The following OLFM3 variants were observed in gnomAD, a reference collection of about 807,000 sequenced individuals.
OLFM3 encodes the protein olfactomedin 3, also known as noelin-3.
In OLFM3, 20 loss-of-function variants were observed where a neutral mutation model predicts 48.6. That is an observed-to-expected ratio of 0.41 (90% CI 0.29 to 0.60). The LOEUF (loss-of-function observed/expected upper bound fraction) is 0.60. Among genes scored for constraint, OLFM3 ranks in the 20% least tolerant of loss-of-function variants. OLFM3 has a pLI of 0.28. For missense variants in OLFM3, 437 were observed against 544.3 expected (o/e 0.80, Z 1.96); for synonymous variants, 222 against 198.1 (o/e 1.12, Z -1.01).
intron 1 of OLFM3, among the ~76,000 whole-genome samples, chr1:101,952,252 T>C (rs1570660856): frequency 6.6e-6 from 1 of 152,280 alleles, no homozygotes; most frequent in East Asian, 1.9e-4. Flanking sequence ...TGTTTACATA[T>C]AGGTTTTCTT....
At chr1:101,969,624 C>A (rs1054890522) in intron 1 of OLFM3, among the ~76,000 whole-genome samples, 1 of 152,178 alleles carries the variant, frequency 6.6e-6, no homozygotes, top group Non-Finnish European at 1.5e-5. Flanking sequence ...CCAACTCCAA[C>A]ACATTAGGTG....
At chr1:101,987,294 T>G (rs1210325944) in intron 1 of OLFM3, among the ~76,000 whole-genome samples, 1 of 152,206 alleles carries the variant, frequency 6.6e-6, no homozygotes, top group African/African-American at 2.4e-5. Context: ...TTTTTACATT[T>G]CCTTCTGCAT....
intron 1 of OLFM3, among the ~76,000 whole-genome samples, chr1:101,959,599 A>G (rs1323772733): frequency 2.0e-5 from 3 of 152,162 alleles, no homozygotes; most frequent in Non-Finnish European, 2.9e-5. Context: ...AGATCTTTAA[A>G]TTTGAATTTA....
rs1653920436 is a variant in OLFM3, at chr1:101,809,043, A to G, written c.593-2861T>C. ...AGAGTTATCTCCAAAATAAAGCAAA[A>G]GAGATAAAAATGAAAATAAGAGAAA... On this transcript the variant is annotated intron_variant, in intron 4 of 5. Coordinates refer to ENST00000370103, the MANE Select transcript of OLFM3 (RefSeq NM_058170.4). Among the ~76,000 whole-genome samples, 3 of 151,722 alleles carry G rather than the reference A, an allele frequency of 2.0e-5. No homozygotes were observed. In the South Asian group the frequency reaches 6.2e-4, roughly 31 times the overall value.
chr1:101,850,969 C>T (rs1656200641), intron 1 of OLFM3, among the ~76,000 whole-genome samples: 2 of 151,836 alleles, frequency 1.3e-5, no homozygotes, highest in South Asian at 2.1e-4. Flanking sequence ...GGTAGAACAT[C>T]GAAAAATGAA....
At chr1:101,928,132 A>G (rs1659330986) in intron 1 of OLFM3, among the ~76,000 whole-genome samples, 1 of 152,124 alleles carries the variant, frequency 6.6e-6, no homozygotes, top group Non-Finnish European at 1.5e-5. Context: ...GCCGCAACTA[A>G]TTTACAAGCT....
chr1:101,807,479 A>C (rs1653830143), intron 4 of OLFM3, among the ~76,000 whole-genome samples: 1 of 151,810 alleles, frequency 6.6e-6, no homozygotes, highest in Non-Finnish European at 1.5e-5. Context: ...TTTTGGAAAG[A>C]AAAGAACACA....
intron 1 of OLFM3, chr1:101,859,830 G>A (rs918692683): frequency 1.5e-4 from 22 of 151,484 alleles, no homozygotes; most frequent in Non-Finnish European, 2.5e-4. Flanking sequence ...TGTAGATTTT[G>A]ATTCAGAAGT....
At chr1:101,977,407 G>T (rs1332309704) in intron 1 of OLFM3, among the ~76,000 whole-genome samples, 1 of 151,982 alleles carries the variant, frequency 6.6e-6, no homozygotes, top group Non-Finnish European at 1.5e-5. Flanking sequence ...ATACCAAATG[G>T]CTCATGAGTA....
rs370910075 is a variant in OLFM3 at position 101,920,212 on chromosome 1, TC to T, written c.69+76535del. On this transcript the variant is annotated intron_variant, in intron 1 of 5. Coordinates refer to ENST00000370103, the MANE Select transcript of OLFM3 (RefSeq NM_058170.4). The stretch of plus-strand genomic sequence containing the variant: ...CAGAGTGATTCTTTAAAAATCTAAG[TC>T]AAATAATTTACCTGTGCACAACCTT... 2.9e-3 allele frequency among the ~76,000 whole-genome samples: 440 copies of T among 152,246 alleles called. 3 individuals carry two copies. Among genetic ancestry groups the T allele is most frequent in the African/African-American group, 0.01 (419 of 41,558 alleles).
intron 1 of OLFM3, among the ~76,000 whole-genome samples, chr1:101,840,169 A>T (rs1236029341): frequency 6.6e-6 from 1 of 152,246 alleles, no homozygotes; most frequent in East Asian, 1.9e-4. Context: ...GACTTGCTCC[A>T]ATTTTAACAT....
At chr1:101,835,880 G>A (rs1352264313) in intron 2 of OLFM3, among the ~76,000 whole-genome samples, 1 of 152,112 alleles carries the variant, frequency 6.6e-6, no homozygotes. Flanking sequence ...ATATACAGAG[G>A]AAACTTATTT....
intron 1 of OLFM3, among the ~76,000 whole-genome samples, chr1:101,956,707 A>G (rs1330717505): frequency 6.6e-6 from 1 of 151,918 alleles, no homozygotes; most frequent in African/African-American, 2.4e-5. Flanking sequence ...GATATTTTGA[A>G]TAGCACTTAG....
intron 1 of OLFM3, among the ~76,000 whole-genome samples, chr1:101,856,274 A>G (rs1292837456): frequency 6.6e-6 from 1 of 151,972 alleles, no homozygotes. Flanking sequence ...GCATCCTAAG[A>G]GTTATACAGT....
At chr1:101,978,032 A>G (rs1661003352) in intron 1 of OLFM3, among the ~76,000 whole-genome samples, 1 of 152,148 alleles carries the variant, frequency 6.6e-6, no homozygotes, top group African/African-American at 2.4e-5. Context: ...AACATATAGC[A>G]TGAGCAATAT....
At chr1:101,940,192 T>C (rs1239057244) in intron 1 of OLFM3, among the ~76,000 whole-genome samples, 1 of 152,068 alleles carries the variant, frequency 6.6e-6, no homozygotes, top group Non-Finnish European at 1.5e-5. Context: ...GCCAGTAATA[T>C]AGAACAGTGA....
Position 101,952,268 on chromosome 1 carries a change from G to A in OLFM3, c.69+44480C>T, listed in dbSNP as rs185368459. 2.6e-3 allele frequency among the ~76,000 whole-genome samples: 403 copies of A among 152,230 alleles called. 3 individuals carry two copies. The highest frequency in any genetic ancestry group is 9.3e-3 in the African/African-American group (387 of 41,558). On this transcript the variant is annotated intron_variant, in intron 1 of 5. Transcript: ENST00000370103. ...GTTTACATATAGGTTTTCTTGGCTAGTTTATAGAATCCTTGAGTTATTTAA... is the reference window on the plus strand; with the variant it reads ...GTTTACATATAGGTTTTCTTGGCTAATTTATAGAATCCTTGAGTTATTTAA...
At chr1:101,979,426 T>C (rs1485585720) in intron 1 of OLFM3, among the ~76,000 whole-genome samples, 3 of 152,110 alleles carry the variant, frequency 2.0e-5, no homozygotes. Flanking sequence ...GGGCGGTTTC[T>C]CCCATGCTGT....
chr1:101,856,641 G>A (rs1656420033), intron 1 of OLFM3, among the ~76,000 whole-genome samples: 2 of 151,800 alleles, frequency 1.3e-5, no homozygotes, highest in African/African-American at 4.8e-5. Flanking sequence ...GCTTAATTAT[G>A]TATTATTTTC....
Sources: allele counts gnomAD v4.1 joint callset (sites outside exome capture counted in the v4.1 genomes callset), GRCh38; gene constraint gnomAD v4.1.1; transcripts MANE v1.5; gene names NCBI Gene and HGNC (gene_info 2026-07-23, HGNC 2026-07-21).